The following JPH2 variants were observed in gnomAD, a reference collection of about 807,000 sequenced individuals.
The protein encoded by JPH2 is junctophilin-2.
JPH2 carries 38 observed loss-of-function variants against 55.9 expected under a neutral mutation model. The ratio of observed to expected loss-of-function variants is 0.68; its 90% CI spans 0.52 to 0.89. The LOEUF is 0.89. Ranked by LOEUF, JPH2 falls within the 40% of genes least tolerant of loss-of-function variation. The pLI is 0.00. For missense variants in JPH2, 964 were observed against 1,037.6 expected (o/e 0.93, Z 0.97); for synonymous variants, 480 against 472.4 (o/e 1.02, Z -0.21).
At chr20:44,180,314 ATCTT>A (rs1184982017) in intron 1 of JPH2, among the ~76,000 whole-genome samples, 1 of 151,842 alleles carries the variant, frequency 6.6e-6, no homozygotes, top group Non-Finnish European at 1.5e-5. Context: ...AATATTAACT[ATCTT>A]TATTATTATT....
chr20:44,155,601 A>G (rs1373292429), intron 2 of JPH2, among the ~76,000 whole-genome samples: 1 of 152,172 alleles, frequency 6.6e-6, no homozygotes, highest in East Asian at 1.9e-4. Context: ...GCGGGAAAAG[A>G]GGAAATAGTA....
At chr20:44,175,161 C>T (rs1297621508) in intron 1 of JPH2, among the ~76,000 whole-genome samples, 1 of 152,200 alleles carries the variant, frequency 6.6e-6, no homozygotes, top group East Asian at 1.9e-4. Context: ...CAATTTGCAA[C>T]TGTATACTGA....
chr20:44,159,638 C>A lies in JPH2; in HGVS notation c.1149G>T (p.Lys383Asn), dbSNP rs754243118. 1.7e-5 allele frequency: 27 copies of A among 1,605,194 alleles called. No individual in the cohort carries two copies. Among genetic ancestry groups the A allele is most frequent in the Non-Finnish European group, 5.1e-6 (6 of 1,179,792 alleles). Residue 383 changes from lysine (K) to asparagine (N), a missense_variant, in exon 2 of 6, where the codon AAG becomes AAT. Coordinates refer to ENST00000372980, the MANE Select transcript of JPH2 (RefSeq NM_020433.5). The surrounding 1 kb of genome is among the most constrained non-coding windows in gnomAD (Gnocchi z 5.7). ...CCTACCTGGAGGCGGCAATCTCGGC[C>A]TTCTGGCGCGCGATAGCAGCGGCGC... ...AQRAAAIARQKAEIAASRTSH... is the reference protein window; with the variant it reads ...AQRAAAIARQNAEIAASRTSH...
intron 2 of JPH2, among the ~76,000 whole-genome samples, chr20:44,127,735 G>A (rs936146050): frequency 6.6e-5 from 10 of 151,958 alleles, no homozygotes; most frequent in Non-Finnish European, 8.8e-5. Context: ...TGATCCACCC[G>A]CCTCAGCCTC....
chr20:44,180,206 G>A (rs982551356), intron 1 of JPH2, among the ~76,000 whole-genome samples: 18 of 152,158 alleles, frequency 1.2e-4, no homozygotes, highest in African/African-American at 3.6e-4. Flanking sequence ...TGACAAGAGC[G>A]GAATTCCGTC....
rs571475744 is a variant in JPH2 at position 44,108,107 on chromosome 20, C to T, written c.*5411G>A. Among the ~76,000 whole-genome samples the T allele has an allele frequency of 6.6e-6, 1 of 152,270 alleles. No homozygotes were observed. The highest frequency in any genetic ancestry group is 1.5e-5 in the Non-Finnish European group (1 of 68,018). On this transcript the variant is annotated 3_prime_UTR_variant, in exon 6 of 6. Coordinates refer to ENST00000372980, the MANE Select transcript of JPH2 (RefSeq NM_020433.5). The stretch of plus-strand genomic sequence containing the variant: ...ATGTGGGAAATGATTCAATCAATCA[C>T]CTCTACATAATGAAGTCCCAATAAA...
intron 1 of JPH2, among the ~76,000 whole-genome samples, chr20:44,176,316 G>GT (rs1226182561): frequency 1.2e-4 from 14 of 116,164 alleles, no homozygotes; most frequent in African/African-American, 4.4e-4. Flanking sequence ...GATCCTATCT[G>GT]TCTTTTTTTT....
intron 2 of JPH2, among the ~76,000 whole-genome samples, chr20:44,138,373 T>C (rs2072431814): frequency 1.3e-5 from 2 of 150,716 alleles, no homozygotes; most frequent in African/African-American, 4.9e-5. Flanking sequence ...CAAGCAGCCT[T>C]GAGTCTGAGT....
Position 44,186,269 on chromosome 20 carries a change from A to C in JPH2, c.379+58T>G, listed in dbSNP as rs1450112713. 5 of 1,581,800 alleles carry C rather than the reference A, an allele frequency of 3.2e-6. No individual in the cohort carries two copies. The East Asian group carries it at 6.7e-5, about 21-fold the overall frequency. ...CCGGTCGCCTTTCCCACCCTCCACC[A>C]GGGTTTCTCACCCTCCCTGGCTCCA... On this transcript the variant is annotated intron_variant, in intron 1 of 5. Transcript: ENST00000372980.
rs59021693 is a variant in JPH2 at position 44,137,423 on chromosome 20, G to T, written c.1170-18800C>A. Among the ~76,000 whole-genome samples the T allele has an allele frequency of 1.6e-3, 251 of 152,322 alleles. 1 individual carries two copies. Among genetic ancestry groups the T allele is most frequent in the African/African-American group, 5.7e-3 (239 of 41,580 alleles). ...CCCGCCTCCCGCCCCTCCCCAGGTG[G>T]GGCTCGGCTGGGGCATTCCAGCTTT... is the stretch of plus-strand genomic sequence containing the variant. On this transcript the variant is annotated intron_variant, in intron 2 of 5. Transcript: ENST00000372980.
At chr20:44,177,249 TC>T in intron 1 of JPH2, 2 of 985,490 alleles carry the variant, frequency 2.0e-6, no homozygotes, top group Non-Finnish European at 2.4e-6. Flanking sequence ...AGCAACCCTG[TC>T]CCCCTCGCCC....
chr20:44,162,160 A>C (rs2072615226), intron 1 of JPH2, among the ~76,000 whole-genome samples: 1 of 152,044 alleles, frequency 6.6e-6, no homozygotes, highest in South Asian at 2.1e-4. Flanking sequence ...AAGCTGATAC[A>C]TTCTCCCTAG....
Position 44,160,632 on chromosome 20 carries a change from G to A in JPH2, c.380-225C>T, listed in dbSNP as rs990259806. 6.6e-6 allele frequency among the ~76,000 whole-genome samples: 1 copy of A among 152,244 alleles called. No homozygotes were observed. Among genetic ancestry groups the A allele is most frequent in the East Asian group, 1.9e-4 (1 of 5,192 alleles). On this transcript the variant is annotated intron_variant, in intron 1 of 5. Transcript: ENST00000372980. The surrounding 1 kb of genome is among the most constrained non-coding windows in gnomAD (Gnocchi z 4.9). ...GGAGCTTGCACGATGGTAGGAATAC[G>A]TTGGTGGGAACATGGCAAGGTCACA...
At chr20:44,152,451 G>A (rs988458088) in intron 2 of JPH2, among the ~76,000 whole-genome samples, 7 of 152,138 alleles carry the variant, frequency 4.6e-5, no homozygotes, top group African/African-American at 1.7e-4. Flanking sequence ...TAAGGCAGGA[G>A]GATAGCTTGA....
At position 44,159,637 on chromosome 20, in the gene JPH2, C is replaced by T. The variant is rs2072589922; in HGVS notation, c.1150G>A (p.Ala384Thr). 6.2e-7 allele frequency: 1 copy of T among 1,604,898 alleles called. No individual in the cohort carries two copies. Among genetic ancestry groups the T allele is most frequent in the African/African-American group, 1.3e-5 (1 of 74,924 alleles). ...TCCTACCTGGAGGCGGCAATCTCGG[C>T]CTTCTGGCGCGCGATAGCAGCGGCG... ...QRAAAIARQK[A>T]EIAASRTSHA... Residue 384 changes from alanine (A) to threonine (T), a missense_variant, in exon 2 of 6, where the codon GCC (alanine) becomes ACC (threonine). Coordinates refer to ENST00000372980, the MANE Select transcript of JPH2 (RefSeq NM_020433.5). The surrounding 1 kb of genome is among the most constrained non-coding windows in gnomAD (Gnocchi z 5.7).
Position 44,160,363 on chromosome 20 carries a change from C to T in JPH2, c.424G>A (p.Gly142Arg), listed in dbSNP as rs765874503. The change falls in exon 2 of 6, where the codon GGA (glycine) becomes AGA (arginine). Residue 142 changes from glycine (G) to arginine (R), a missense_variant. Coordinates refer to ENST00000372980, the MANE Select transcript of JPH2 (RefSeq NM_020433.5). The surrounding 1 kb of genome is among the most constrained non-coding windows in gnomAD (Gnocchi z 4.9). ...QFTNGMRHGYGVRQSVPYGMA... is the reference protein window; with the variant it reads ...QFTNGMRHGYRVRQSVPYGMA... ...CCGTAGGGCACGCTCTGGCGTACTC[C>T]GTAGCCATGGCGCATGCCGTTGGTG... 3.1e-6 allele frequency: 5 copies of T among 1,603,896 alleles called. No individual in the cohort carries two copies. Among genetic ancestry groups the T allele is most frequent in the Non-Finnish European group, 4.3e-6 (5 of 1,176,072 alleles).
chr20:44,179,559 G>T (rs1176548558), intron 1 of JPH2, among the ~76,000 whole-genome samples: 1 of 152,164 alleles, frequency 6.6e-6, no homozygotes, highest in Admixed American at 6.5e-5. Context: ...CTTCATGGGT[G>T]CTGGAACCAT....
At chr20:44,171,255 A>G (rs1350755368) in intron 1 of JPH2, among the ~76,000 whole-genome samples, 1 of 152,206 alleles carries the variant, frequency 6.6e-6, no homozygotes, top group Non-Finnish European at 1.5e-5. Context: ...CATCTGCAAC[A>G]GAATATTCAA....
rs2072118315 is a variant in JPH2, at chr20:44,108,018, T to A, written c.*5500A>T. On this transcript the variant is annotated 3_prime_UTR_variant, in exon 6 of 6. Transcript: ENST00000372980. ...ACCACAGGGTTAAAAGATTGGGGCTTTGGGCTATGTGATGTCAGCCTGACC... is the reference window on the plus strand; with the variant it reads ...ACCACAGGGTTAAAAGATTGGGGCTATGGGCTATGTGATGTCAGCCTGACC... 6.6e-6 allele frequency among the ~76,000 whole-genome samples: 1 copy of A among 152,180 alleles called. No homozygotes were observed. The highest frequency in any genetic ancestry group is 2.4e-5 in the African/African-American group (1 of 41,442).
Sources: gnomAD v4.1 joint callset for allele counts (sites outside exome capture counted in the v4.1 genomes callset) on GRCh38, gnomAD v4.1.1 for gene constraint, Gnocchi (gnomAD v3.1) non-coding constraint, MANE v1.5 for transcripts, NCBI Gene and HGNC (gene_info 2026-07-23, HGNC 2026-07-21) for gene names.